Variants in CAMK1D observed in about 807,000 individuals in gnomAD.
The protein encoded by CAMK1D is calcium/calmodulin dependent protein kinase ID.
Under a neutral mutation model 47.7 loss-of-function variants are expected in CAMK1D, and 9 were observed. The observed-to-expected ratio is 0.19, with a 90% CI of 0.11 to 0.33. The LOEUF is 0.33. CAMK1D is among the 10% of genes least tolerant of loss of function. The pLI is 1.00. For synonymous variants in CAMK1D, 184 were observed against 184.9 expected (o/e 0.99, Z 0.04); for missense variants, 291 against 488.7 (o/e 0.60, Z 3.81).
intron 2 of CAMK1D, among the ~76,000 whole-genome samples, chr10:12,561,156 A>G (rs1176966274): frequency 1.3e-5 from 2 of 152,000 alleles, no homozygotes; most frequent in South Asian, 4.1e-4. Flanking sequence ...TGACCTTGTG[A>G]TCTGCCTGCC....
chr10:12,717,576 C>T (rs71492261), intron 3 of CAMK1D, among the ~76,000 whole-genome samples: 1 of 151,672 alleles, frequency 6.6e-6, no homozygotes, highest in Non-Finnish European at 1.5e-5. Context: ...ACATAGACCT[C>T]TTCTCTACAA....
chr10:12,685,095 G>A (rs191160020), intron 3 of CAMK1D, among the ~76,000 whole-genome samples: 15 of 152,350 alleles, frequency 9.8e-5, no homozygotes, highest in African/African-American at 3.6e-4. Context: ...GAGGTCAAGA[G>A]TTCGAGACCA....
At chr10:12,462,896 T>A (rs1833478832) in intron 1 of CAMK1D, among the ~76,000 whole-genome samples, 1 of 151,994 alleles carries the variant, frequency 6.6e-6, no homozygotes, top group South Asian at 2.1e-4. Context: ...GGTAATGGAG[T>A]CCTCTGCAGT....
At chr10:12,777,677 G>A (rs1564553883) in intron 5 of CAMK1D, among the ~76,000 whole-genome samples, 1 of 152,058 alleles carries the variant, frequency 6.6e-6, no homozygotes, top group Non-Finnish European at 1.5e-5. Context: ...CCTGGCCCTG[G>A]TTGAACTATT....
chr10:12,480,742 C>T (rs1411797552), intron 1 of CAMK1D, among the ~76,000 whole-genome samples: 3 of 152,194 alleles, frequency 2.0e-5, no homozygotes, highest in Non-Finnish European at 2.9e-5. Flanking sequence ...TGCCTAGCCC[C>T]AGAGCCCATG....
chr10:12,819,245 G>C (rs1644421), intron 8 of CAMK1D, among the ~76,000 whole-genome samples: 89,129 of 152,090 alleles, frequency 0.59, 26,895 homozygotes, highest in East Asian at 0.91. Context: ...GAGAAGGCTT[G>C]CCCCAGGCCA....
At chr10:12,439,565 G>A (rs1162754223) in intron 1 of CAMK1D, among the ~76,000 whole-genome samples, 1 of 152,180 alleles carries the variant, frequency 6.6e-6, no homozygotes, top group African/African-American at 2.4e-5. Flanking sequence ...TGTGCACATC[G>A]GTGAAGGGTC....
chr10:12,533,098 A>G (rs1168651780), intron 1 of CAMK1D, among the ~76,000 whole-genome samples: 1 of 152,212 alleles, frequency 6.6e-6, no homozygotes, highest in East Asian at 1.9e-4. Context: ...TTTGTAACAC[A>G]AAGGATAATT....
intron 1 of CAMK1D, among the ~76,000 whole-genome samples, chr10:12,487,919 T>G (rs1444100195): frequency 6.6e-6 from 1 of 152,186 alleles, no homozygotes; most frequent in South Asian, 2.1e-4. Flanking sequence ...TCATGGCTCC[T>G]CCAGCCATGT....
Position 12,734,385 on chromosome 10 carries a change from GATATAGAT to G in CAMK1D, c.300-26557_300-26550del, listed in dbSNP as rs1416456655. Among the ~76,000 whole-genome samples the G allele has an allele frequency of 8.5e-5, 4 of 47,024 alleles. 2 individuals are homozygous for G. The highest frequency in any genetic ancestry group is 3.7e-4 in the African/African-American group (4 of 10,702). The allele number at this position is 47,024 out of a possible 152,430, so 30.8% of individuals were successfully genotyped here. A position where few individuals can be genotyped will look rare whatever the true frequency, so the allele number is the denominator to read the frequency against. On this transcript the variant is annotated intron_variant, in intron 3 of 10. Coordinates refer to ENST00000619168, the MANE Select transcript of CAMK1D (RefSeq NM_153498.4). Reference sequence around the variant, plus strand: ...ATATATATATATATATATAGATATAGATATAGATATATATATATATACACACACACACA... The same window carrying G: ...ATATATATATATATATATAGATATAGATATATATATATACACACACACACA...
At chr10:12,524,380 A>G (rs997711816) in intron 1 of CAMK1D, among the ~76,000 whole-genome samples, 1 of 152,254 alleles carries the variant, frequency 6.6e-6, no homozygotes, top group Non-Finnish European at 1.5e-5. Context: ...TTTCCTCTTC[A>G]TAGTTTTTAT....
At chr10:12,491,128 A>AACTGGAGGGTTG in intron 1 of CAMK1D, among the ~76,000 whole-genome samples, 1 of 151,160 alleles carries the variant, frequency 6.6e-6, no homozygotes, top group Non-Finnish European at 1.5e-5. Flanking sequence ...TTGTAACTGC[A>AACTGGAGGGTTG]TCACTGGAGG....
chr10:12,529,853 T>G (rs1835748677), intron 1 of CAMK1D, among the ~76,000 whole-genome samples: 1 of 152,190 alleles, frequency 6.6e-6, no homozygotes, highest in South Asian at 2.1e-4. Flanking sequence ...TCAGGATGAA[T>G]ATGATTAAAT....
At chr10:12,413,990 T>G (rs527637565) in intron 1 of CAMK1D, among the ~76,000 whole-genome samples, 1 of 152,332 alleles carries the variant, frequency 6.6e-6, no homozygotes, top group South Asian at 2.1e-4. Context: ...ATCTTTTCTC[T>G]CATGAAATGG....
At chr10:12,486,630 C>T (rs1043297897) in intron 1 of CAMK1D, among the ~76,000 whole-genome samples, 1 of 152,168 alleles carries the variant, frequency 6.6e-6, no homozygotes, top group Non-Finnish European at 1.5e-5. Context: ...CTTTGTAGCC[C>T]AGCCAAAATG....
intron 1 of CAMK1D, among the ~76,000 whole-genome samples, chr10:12,356,810 G>C (rs561694226): frequency 6.6e-6 from 1 of 152,084 alleles, no homozygotes; most frequent in South Asian, 2.1e-4. Context: ...GGAAGTGGGA[G>C]TTTGGGTAGA....
At chr10:12,759,011 A>C (rs867674200) in intron 3 of CAMK1D, among the ~76,000 whole-genome samples, 13 of 152,328 alleles carry the variant, frequency 8.5e-5, no homozygotes, top group African/African-American at 3.1e-4. Context: ...ACTGGCATGT[A>C]ATGGGCACCC....
At chr10:12,798,065 C>T (rs1052853056) in intron 6 of CAMK1D, among the ~76,000 whole-genome samples, 2 of 152,182 alleles carry the variant, frequency 1.3e-5, no homozygotes, top group African/African-American at 4.8e-5. Context: ...CCTTCAAAGG[C>T]CATGAGGTAG....
chr10:12,561,822 T>A (rs1247296861), intron 2 of CAMK1D, among the ~76,000 whole-genome samples: 1 of 152,240 alleles, frequency 6.6e-6, no homozygotes, highest in East Asian at 1.9e-4. Context: ...TGCATTTCTG[T>A]TAATTTCTTG....
Sources: allele counts gnomAD v4.1 joint callset (sites outside exome capture counted in the v4.1 genomes callset), GRCh38; gene constraint gnomAD v4.1.1; transcripts MANE v1.5; gene names NCBI Gene and HGNC (gene_info 2026-07-23, HGNC 2026-07-21).